Variants in SOX5 observed in about 807,000 individuals in gnomAD.
SOX5 encodes the protein SRY-box transcription factor 5.
SOX5 carries 9 observed loss-of-function variants against 92.0 expected under a neutral mutation model. That is an observed-to-expected ratio of 0.10 (90% CI 0.06 to 0.17). SOX5 has a LOEUF of 0.17. Ranked by LOEUF, SOX5 falls within the 10% of genes least tolerant of loss-of-function variation. The pLI, the probability that SOX5 is intolerant of heterozygous loss-of-function variation, is 1.00. For synonymous variants in SOX5, 344 were observed against 336.3 expected (o/e 1.02, Z -0.25); for missense variants, 642 against 944.5 (o/e 0.68, Z 4.20).
chr12:23,914,621 G>T (rs1231491413), intron 1 of SOX5, among the ~76,000 whole-genome samples: 1 of 152,056 alleles, frequency 6.6e-6, no homozygotes, highest in Non-Finnish European at 1.5e-5. Flanking sequence ...TAAAGCAAAA[G>T]AGCTTACTGA....
intron 6 of SOX5, among the ~76,000 whole-genome samples, chr12:23,708,700 G>T (rs1278601116): frequency 6.6e-6 from 1 of 152,090 alleles, no homozygotes; most frequent in Non-Finnish European, 1.5e-5. Context: ...AACAGAAAAA[G>T]ACATAAGGAA....
rs1045744908 is a variant in SOX5, at chr12:24,364,848, G to A, written c.-174+3715C>T. On this transcript the variant is annotated intron_variant, in intron 2 of 4. Coordinates refer to the SOX5 transcript ENST00000446891. The stretch of plus-strand genomic sequence containing the variant: ...ACAGAATGATCAGAAATCCATGAAC[G>A]TCTCAGTCGAAGCAAGAACTGGTGG... 3.3e-5 allele frequency among the ~76,000 whole-genome samples: 5 copies of A among 151,998 alleles called. No individual in the cohort carries two copies. In the East Asian group the frequency reaches 7.7e-4, roughly 23 times the overall value.
At chr12:23,725,189 A>C (rs2093047810) in intron 6 of SOX5, among the ~76,000 whole-genome samples, 1 of 152,146 alleles carries the variant, frequency 6.6e-6, no homozygotes, top group Non-Finnish European at 1.5e-5. Context: ...TAAAATGTGA[A>C]CTTTGAAGTG....
intron 3 of SOX5, among the ~76,000 whole-genome samples, chr12:24,217,280 T>G (rs1959227051): frequency 1.3e-5 from 2 of 152,188 alleles, no homozygotes; most frequent in African/African-American, 4.8e-5. Context: ...AAGGACAGTC[T>G]AATTGAGGAC....
chr12:23,688,954 C>T (rs1232122196), intron 6 of SOX5, among the ~76,000 whole-genome samples: 2 of 152,052 alleles, frequency 1.3e-5, no homozygotes, highest in African/African-American at 4.8e-5. Flanking sequence ...TTTTGTACAA[C>T]TTTTCCCATC....
At chr12:23,652,382 C>A (rs566200081) in intron 7 of SOX5, among the ~76,000 whole-genome samples, 1 of 151,942 alleles carries the variant, frequency 6.6e-6, no homozygotes, top group Non-Finnish European at 1.5e-5. Flanking sequence ...TATTCCTTGG[C>A]GTCTAATCCT....
intron 14 of SOX5, among the ~76,000 whole-genome samples, 187 bp from the exon 15 acceptor site, chr12:23,534,709 T>G (rs538870720): frequency 8.2e-5 from 12 of 147,146 alleles, no homozygotes. Flanking sequence ...CTTTTCTTTT[T>G]TTTTTTTTTT....
At chr12:24,296,135 A>C (rs1947218685) in intron 2 of SOX5, among the ~76,000 whole-genome samples, 1 of 152,206 alleles carries the variant, frequency 6.6e-6, no homozygotes, top group Non-Finnish European at 1.5e-5. Context: ...ACACCAAGCC[A>C]AGGTTTATGT....
chr12:24,301,029 C>T (rs1947883522), intron 2 of SOX5, among the ~76,000 whole-genome samples: 1 of 152,220 alleles, frequency 6.6e-6, no homozygotes, highest in Non-Finnish European at 1.5e-5. Context: ...GGTCTCTGTA[C>T]TCTCAGCAAG....
At chr12:24,470,173 A>G (rs1011569310) in intron 1 of SOX5, among the ~76,000 whole-genome samples, 5 of 152,218 alleles carry the variant, frequency 3.3e-5, no homozygotes, top group African/African-American at 1.2e-4. Flanking sequence ...GCCATTTATT[A>G]CTTTCCTACT....
intron 3 of SOX5, among the ~76,000 whole-genome samples, chr12:24,256,351 C>T (rs571224092): frequency 6.6e-6 from 1 of 152,244 alleles, no homozygotes; most frequent in Non-Finnish European, 1.5e-5. Context: ...CTGAAAAATT[C>T]TTTCTCTAAT....
At chr12:23,611,688 G>T (rs1379371746) in intron 8 of SOX5, among the ~76,000 whole-genome samples, 1 of 152,060 alleles carries the variant, frequency 6.6e-6, no homozygotes, top group African/African-American at 2.4e-5. Flanking sequence ...TTACCCAGGA[G>T]CCAGCAGCAT....
intron 3 of SOX5, among the ~76,000 whole-genome samples, chr12:23,794,046 T>C (rs1440886391): frequency 2.0e-5 from 3 of 152,192 alleles, no homozygotes; most frequent in Non-Finnish European, 4.4e-5. Context: ...TAATCCATCA[T>C]TGAAATGTTT....
intron 3 of SOX5, among the ~76,000 whole-genome samples, chr12:23,796,675 C>T (rs2095565771): frequency 6.6e-6 from 1 of 151,748 alleles, no homozygotes; most frequent in Admixed American, 6.6e-5. Flanking sequence ...TTGTTCCTAA[C>T]TGCAAAATTA....
At chr12:24,021,056 C>T (rs962894647) in intron 4 of SOX5, among the ~76,000 whole-genome samples, 15 of 152,140 alleles carry the variant, frequency 9.9e-5, no homozygotes, top group Admixed American at 9.2e-4. Flanking sequence ...GTCACAACCA[C>T]CACAGGAGCG....
chr12:24,112,773 C>G (rs1488580859), intron 4 of SOX5, among the ~76,000 whole-genome samples: 2 of 151,676 alleles, frequency 1.3e-5, no homozygotes, highest in Non-Finnish European at 2.9e-5. Context: ...TGGGCTCAAG[C>G]AATCTGCCTA....
At chr12:24,001,901 T>C (rs768394554) in intron 4 of SOX5, among the ~76,000 whole-genome samples, 4 of 152,058 alleles carry the variant, frequency 2.6e-5, no homozygotes, top group Non-Finnish European at 5.9e-5. Context: ...GAGTTCAAAG[T>C]TGCAGTAAGC....
intron 4 of SOX5, among the ~76,000 whole-genome samples, chr12:24,043,255 A>T (rs1956684826): frequency 6.6e-6 from 1 of 152,246 alleles, no homozygotes; most frequent in South Asian, 2.1e-4. Context: ...GCAGAGAGGT[A>T]AAAAGGTCAA....
At chr12:23,615,789 G>A (rs370119403) in intron 8 of SOX5, among the ~76,000 whole-genome samples, 33 of 152,124 alleles carry the variant, frequency 2.2e-4, no homozygotes, top group Admixed American at 3.3e-4. Context: ...TTTATATCCC[G>A]TAATGTATTT....
Sources: gnomAD v4.1 joint callset for allele counts (sites outside exome capture counted in the v4.1 genomes callset) on GRCh38, gnomAD v4.1.1 for gene constraint, MANE v1.5 for transcripts, NCBI Gene and HGNC (gene_info 2026-07-23, HGNC 2026-07-21) for gene names.